The following PHC3 variants were observed in gnomAD, a reference collection of about 807,000 sequenced individuals.
The protein encoded by PHC3 is polyhomeotic homolog 3.
In PHC3, 13 loss-of-function variants were observed where a neutral mutation model predicts 107.4. That is an observed-to-expected ratio of 0.12 (90% confidence interval 0.08 to 0.19). The LOEUF (loss-of-function observed/expected upper bound fraction) is 0.19. Ranked by LOEUF, PHC3 falls within the 10% of genes least tolerant of loss-of-function variation. The pLI, the probability that PHC3 is intolerant of heterozygous loss-of-function variation, is 1.00. For missense variants in PHC3, 992 were observed against 1,210.9 expected (o/e 0.82, Z 2.68); for synonymous variants, 456 against 427.4 (o/e 1.07, Z -0.83).
At chr3:170,117,913 T>A (rs952705570) in intron 9 of PHC3, among the ~76,000 whole-genome samples, 2 of 151,278 alleles carry the variant, frequency 1.3e-5, no homozygotes, top group Admixed American at 1.3e-4. Context: ...CTTGGGAGGC[T>A]GAGACAGGAG....
intron 7 of PHC3, among the ~76,000 whole-genome samples, chr3:170,132,691 A>C: frequency 6.6e-6 from 1 of 152,240 alleles, no homozygotes; most frequent in Admixed American, 6.5e-5. Context: ...CAGGACTGTG[A>C]GAAAATTAAT....
At chr3:170,174,621 T>C (rs956232097) in intron 2 of PHC3, among the ~76,000 whole-genome samples, 3 of 152,206 alleles carry the variant, frequency 2.0e-5, no homozygotes, top group Non-Finnish European at 4.4e-5. Context: ...ATCCTATAGC[T>C]TGAGGGTCTC....
chr3:170,134,035 C>A (rs1722664529), intron 7 of PHC3, among the ~76,000 whole-genome samples: 1 of 151,962 alleles, frequency 6.6e-6, no homozygotes, highest in African/African-American at 2.4e-5. Flanking sequence ...ACCATTGCTC[C>A]ACACTGTCAA....
chr3:170,169,722 G>A (rs1301845827), intron 4 of PHC3: 1 of 152,044 alleles, frequency 6.6e-6, no homozygotes, highest in African/African-American at 2.4e-5. Flanking sequence ...ATGAAAGACA[G>A]TTTAAAAAGA....
At chr3:170,144,049 G>A (rs566176762) in intron 6 of PHC3, among the ~76,000 whole-genome samples, 6 of 151,626 alleles carry the variant, frequency 4.0e-5, no homozygotes, top group East Asian at 1.9e-4. Context: ...TATCGAGGCC[G>A]GGCGTGGTGG....
chr3:170,109,123 A>G (rs1717137900), intron 11 of PHC3, among the ~76,000 whole-genome samples: 1 of 152,214 alleles, frequency 6.6e-6, no homozygotes, highest in Admixed American at 6.5e-5. Context: ...GAATTAGAAA[A>G]CTGCCAAAAC....
chr3:170,113,717 G>A (rs1718317788), intron 10 of PHC3, among the ~76,000 whole-genome samples, 198 bp from the exon 11 acceptor site: 1 of 152,156 alleles, frequency 6.6e-6, no homozygotes, highest in Non-Finnish European at 1.5e-5. Flanking sequence ...CTGGTCACCA[G>A]CAGTACAGCT....
chr3:170,128,256 A>G, intron 8 of PHC3: 1 of 806,880 alleles, frequency 1.2e-6, no homozygotes, highest in Non-Finnish European at 1.6e-6. Context: ...TCTAGGATGC[A>G]TAAAACTAAA....
intron 4 of PHC3, among the ~76,000 whole-genome samples, chr3:170,168,006 T>G (rs1273498767): frequency 2.0e-5 from 3 of 151,188 alleles, no homozygotes; most frequent in Admixed American, 6.6e-5. Flanking sequence ...AATAAAAATT[T>G]TAAAAATGAG....
chr3:170,105,025 C>A (rs934774609), intron 12 of PHC3, among the ~76,000 whole-genome samples: 1 of 152,226 alleles, frequency 6.6e-6, no homozygotes, highest in African/African-American at 2.4e-5. Context: ...TACCCTCTCT[C>A]ATCCACATTT....
In PHC3 at chr3:170,135,623, T is replaced by C. The variant is rs1204837908; in HGVS notation, c.919+796A>G. On this transcript the variant is annotated intron_variant, in intron 7 of 14. Transcript: ENST00000495893. ...GAGAAACAAAGGAAAAGGTCTAGCA[T>C]GAGAAGATAAAAGACGCTGTAACAA... 2.0e-5 allele frequency among the ~76,000 whole-genome samples: 3 copies of C among 151,000 alleles called. No homozygotes were observed. In the East Asian group the frequency reaches 5.8e-4, roughly 29 times the overall value.
intron 4 of PHC3, among the ~76,000 whole-genome samples, chr3:170,154,103 A>G (rs899517219): frequency 1.3e-5 from 2 of 152,160 alleles, no homozygotes; most frequent in African/African-American, 4.8e-5. Context: ...TACTTTTAGC[A>G]TATATTTCTA....
chr3:170,140,019 C>A (rs890842548), intron 6 of PHC3, among the ~76,000 whole-genome samples: 1 of 151,930 alleles, frequency 6.6e-6, no homozygotes, highest in African/African-American at 2.4e-5. Context: ...AGAGGGCTTC[C>A]CTGCCAAAAT....
chr3:170,179,382 A>G (rs2108798060), intron 1 of PHC3, among the ~76,000 whole-genome samples: 1 of 152,232 alleles, frequency 6.6e-6, no homozygotes, highest in East Asian at 1.9e-4. Context: ...CAGAATGCCT[A>G]GGGACTCATG....
intron 2 of PHC3, among the ~76,000 whole-genome samples, chr3:170,177,370 T>C (rs1033384633): frequency 6.6e-6 from 1 of 151,996 alleles, no homozygotes; most frequent in Non-Finnish European, 1.5e-5. Context: ...CTCAATACTA[T>C]ATATATATAT....
At chr3:170,118,041 G>A (rs904109351) in intron 9 of PHC3, among the ~76,000 whole-genome samples, 10 of 152,064 alleles carry the variant, frequency 6.6e-5, no homozygotes, top group African/African-American at 4.8e-5. Flanking sequence ...GTTCCCATGA[G>A]ACATGAAAAT....
intron 9 of PHC3, among the ~76,000 whole-genome samples, chr3:170,118,582 T>C (rs1270603400): frequency 6.6e-6 from 1 of 151,972 alleles, no homozygotes; most frequent in African/African-American, 2.4e-5. Context: ...TGGATAATTT[T>C]TTGTATTTTT....
chr3:170,155,769 A>C (rs756460006), intron 4 of PHC3, among the ~76,000 whole-genome samples: 3 of 152,104 alleles, frequency 2.0e-5, no homozygotes, highest in Non-Finnish European at 2.9e-5. Flanking sequence ...ACACACAATA[A>C]TACATACTCA....
chr3:170,164,577 T>C (rs1728432884), intron 4 of PHC3, among the ~76,000 whole-genome samples: 1 of 152,094 alleles, frequency 6.6e-6, no homozygotes, highest in Non-Finnish European at 1.5e-5. Context: ...TAAAAACTCT[T>C]ATGTTACATA....
Sources: gnomAD v4.1 joint callset for allele counts (sites outside exome capture counted in the v4.1 genomes callset) on GRCh38, gnomAD v4.1.1 for gene constraint, MANE v1.5 for transcripts, NCBI Gene and HGNC (gene_info 2026-07-23, HGNC 2026-07-21) for gene names.